Variants in STK4 observed in about 807,000 individuals in gnomAD.
The protein encoded by STK4 is serine/threonine kinase 4.
Under a neutral mutation model 64.9 loss-of-function variants are expected in STK4, and 30 were observed. The observed-to-expected ratio is 0.46, with a 90% CI of 0.35 to 0.63. STK4 has a LOEUF of 0.63. STK4 is among the 20% of genes least tolerant of loss of function. The probability of loss-of-function intolerance (pLI) is 0.01; values close to 1 mark genes in which losing one functional copy is unlikely to be tolerated. For synonymous variants in STK4, 177 were observed against 199.0 expected, an observed-to-expected ratio of 0.89 and a Z score of 0.93; for missense variants, 466 against 598.5, an observed-to-expected ratio of 0.78 and a Z score of 2.31.
chr20:44,980,545 G>A (rs930629801), intron 3 of STK4, among the ~76,000 whole-genome samples: 1 of 152,128 alleles, frequency 6.6e-6, no homozygotes, highest in Non-Finnish European at 1.5e-5. Context: ...GTTTGATCCT[G>A]AACATTTTTT....
chr20:45,007,369 G>A (rs1312311786), intron 9 of STK4, among the ~76,000 whole-genome samples: 2 of 152,068 alleles, frequency 1.3e-5, no homozygotes, highest in Admixed American at 6.6e-5. Flanking sequence ...TGGCCAATAT[G>A]GTGAAACCCC....
chr20:44,986,994 G>T, intron 4 of STK4, 138 bp from the exon 5 acceptor site: 2 of 637,310 alleles, frequency 3.1e-6, no homozygotes, highest in Non-Finnish European at 5.2e-6. Context: ...GTGTATCTAT[G>T]GTATAAGCAG....
At chr20:45,001,859 G>T (rs1325304258) in intron 9 of STK4, among the ~76,000 whole-genome samples, 1 of 152,094 alleles carries the variant, frequency 6.6e-6, no homozygotes. Context: ...GCTTCTGTCC[G>T]TATCTGGCTG....
intron 10 of STK4, among the ~76,000 whole-genome samples, chr20:45,062,867 T>C (rs529268751): frequency 3.4e-5 from 5 of 147,602 alleles, no homozygotes; most frequent in African/African-American, 1.2e-4. Flanking sequence ...TTTTTTTGTA[T>C]TTTTAGTAGA....
chr20:45,017,280 G>A (rs1024588308), intron 9 of STK4, among the ~76,000 whole-genome samples: 11 of 152,132 alleles, frequency 7.2e-5, no homozygotes, highest in African/African-American at 2.7e-4. Flanking sequence ...AATTCCTTAT[G>A]TGTATAGAGC....
At position 45,078,227 on chromosome 20, in the gene STK4, ACAGAGT is replaced by A. The variant is rs1980667392; in HGVS notation, c.*3053_*3058del. On this transcript the variant is annotated 3_prime_UTR_variant, in exon 11 of 11. Coordinates refer to ENST00000372806, the MANE Select transcript of STK4 (RefSeq NM_006282.5). ...GTTTGTGTTTTTTTTTTTTTTTGAG[ACAGAGT>A]CTCACTCTGTTGCCCAGGCTGGAGT... 1 of 142,384 alleles carries A rather than the reference ACAGAGT, an allele frequency of 7.0e-6. No individual in the cohort carries two copies. Among genetic ancestry groups the A allele is most frequent in the South Asian group, 2.2e-4 (1 of 4,508 alleles). 8.8% of individuals were successfully genotyped at this position (142,384 alleles called of 1,614,324 possible). A position where few individuals can be genotyped will look rare whatever the true frequency, so the allele number is the denominator to read the frequency against.
intron 10 of STK4, among the ~76,000 whole-genome samples, chr20:45,063,402 C>T (rs1468394139): frequency 1.3e-5 from 2 of 152,138 alleles, no homozygotes; most frequent in Non-Finnish European, 1.5e-5. Context: ...TGAAAAGTGT[C>T]TGTTCATGTC....
chr20:45,004,059 C>T (rs2067890124), intron 9 of STK4, among the ~76,000 whole-genome samples: 2 of 151,528 alleles, frequency 1.3e-5, no homozygotes, highest in Admixed American at 6.6e-5. Flanking sequence ...TTGGTTAGTC[C>T]GAGTGCAGTG....
chr20:45,004,824 A>G (rs2067907989), intron 9 of STK4, among the ~76,000 whole-genome samples: 1 of 142,026 alleles, frequency 7.0e-6, no homozygotes, highest in South Asian at 2.2e-4. Context: ...GCTGGAATGC[A>G]GTGGTGCGAT....
intron 9 of STK4, among the ~76,000 whole-genome samples, chr20:45,012,602 T>G (rs762316106): frequency 1.3e-5 from 2 of 152,192 alleles, no homozygotes; most frequent in South Asian, 2.1e-4. Flanking sequence ...ACAAATGGCA[T>G]AGTTTAAAAA....
At chr20:45,067,726 G>A (rs1232619032) in intron 10 of STK4, among the ~76,000 whole-genome samples, 2 of 152,192 alleles carry the variant, frequency 1.3e-5, no homozygotes, top group Non-Finnish European at 2.9e-5. Context: ...TTATGCAGCC[G>A]ACTTTGAAAA....
At position 44,978,554 on chromosome 20, in the gene STK4, A is replaced by G; in HGVS notation, c.228A>G (p.Ile76Met). Residue 76 changes from isoleucine (I) to methionine (M), a missense_variant, in exon 3 of 11, where the codon ATA becomes ATG. Physicochemically the swap from Ile to Met is conservative, Grantham distance 10. This residue lies in a region of STK4 where 190 missense variants were observed against 289.7 expected (regional missense o/e 0.66). Coordinates refer to ENST00000372806, the MANE Select transcript of STK4 (RefSeq NM_006282.5). Reference sequence around the variant, plus strand: ...AGGAGATAATCAAAGAAATCTCTATAATGCAGCAATGTGACAGGTAAAGGC... The same window carrying G: ...AGGAGATAATCAAAGAAATCTCTATGATGCAGCAATGTGACAGGTAAAGGC... ...DLQEIIKEIS[I>M]MQQCDSPHVV... is the part of the protein sequence containing the mutation. 1.9e-6 allele frequency: 3 copies of G among 1,613,988 alleles called. No individual in the cohort carries two copies. Among genetic ancestry groups the G allele is most frequent in the Non-Finnish European group, 2.5e-6 (3 of 1,179,972 alleles).
At position 45,001,193 on chromosome 20, in the gene STK4, G is replaced by T. The variant is rs2067832258; in HGVS notation, c.987G>T (p.Thr329=). ...NSEEDEMDSG[T]MVRAVGDEMG... is the part of the protein sequence containing the mutation. ...AAGAGGATGAAATGGATTCTGGCACGATGGTTCGAGCAGTGGGTGATGAGA... is the reference window on the plus strand; with the variant it reads ...AAGAGGATGAAATGGATTCTGGCACTATGGTTCGAGCAGTGGGTGATGAGA... Residue 329 remains threonine (T), a synonymous_variant, in exon 9 of 11, where the codon ACG becomes ACT. Transcript: ENST00000372806. The T allele has an allele frequency of 1.9e-6, 3 of 1,613,098 alleles. No homozygotes were observed. Among genetic ancestry groups the T allele is most frequent in the Non-Finnish European group, 2.5e-6 (3 of 1,179,222 alleles).
chr20:45,061,366 G>A (rs1437470229), intron 10 of STK4, among the ~76,000 whole-genome samples: 1 of 152,078 alleles, frequency 6.6e-6, no homozygotes, highest in Non-Finnish European at 1.5e-5. Flanking sequence ...GAAAATTCCA[G>A]AAATAAACAA....
chr20:45,057,750 T>C (rs950122093), intron 10 of STK4, among the ~76,000 whole-genome samples: 1 of 152,242 alleles, frequency 6.6e-6, no homozygotes, highest in African/African-American at 2.4e-5. Context: ...ATGAGCTTAC[T>C]GCTAGGAGTA....
chr20:45,025,592 A>C (rs562970348), intron 10 of STK4, among the ~76,000 whole-genome samples: 1 of 152,260 alleles, frequency 6.6e-6, no homozygotes, highest in East Asian at 1.9e-4. Context: ...TTCCAGTTTC[A>C]TATGAAAAAC....
At chr20:44,967,204 A>C (rs1489210707) in intron 1 of STK4, 1 of 985,240 alleles carries the variant, frequency 1.0e-6, no homozygotes, top group Non-Finnish European at 1.2e-6. Flanking sequence ...ATCTTTTATT[A>C]CTGATGTTCA....
intron 5 of STK4, among the ~76,000 whole-genome samples, chr20:44,991,364 G>A (rs1014505936): frequency 1.3e-5 from 2 of 152,116 alleles, no homozygotes; most frequent in African/African-American, 4.8e-5. Context: ...TAAATCCTTA[G>A]GATAATTTAT....
intron 9 of STK4, among the ~76,000 whole-genome samples, chr20:45,012,337 C>T (rs1383320816): frequency 4.6e-5 from 7 of 152,056 alleles, no homozygotes; most frequent in Non-Finnish European, 8.8e-5. Flanking sequence ...CCCGGCCTCT[C>T]CCATATAAAT....
Sources: allele counts gnomAD v4.1 joint callset (sites outside exome capture counted in the v4.1 genomes callset), GRCh38; gene constraint gnomAD v4.1.1; regional missense constraint gnomAD v4.1.1; transcripts MANE v1.5; gene names NCBI Gene and HGNC (gene_info 2026-07-23, HGNC 2026-07-21).